CNTNAP2: variants seen among roughly 807,000 people sequenced by gnomAD.
CNTNAP2 encodes the protein contactin associated protein 2, also known as contactin-associated protein-like 2.
CNTNAP2 carries 98 observed loss-of-function variants against 155.2 expected under a neutral mutation model. The observed-to-expected ratio is 0.63, with a 90% confidence interval of 0.54 to 0.75. CNTNAP2 has a LOEUF of 0.75. Ranked by LOEUF, CNTNAP2 falls within the 30% of genes least tolerant of loss-of-function variation. The pLI, the probability that CNTNAP2 is intolerant of heterozygous loss-of-function variation, is 0.00. For synonymous variants in CNTNAP2, 651 were observed against 631.2 expected (o/e 1.03, Z -0.47); for missense variants, 1,727 against 1,688.1 (o/e 1.02, Z -0.40).
intron 1 of CNTNAP2, among the ~76,000 whole-genome samples, chr7:146,453,297 C>A (rs1199023405): frequency 6.6e-6 from 1 of 152,226 alleles, no homozygotes; most frequent in Non-Finnish European, 1.5e-5. Context: ...CTTATTCCCA[C>A]AATCCAGAGA....
At chr7:147,854,489 TG>T (rs971372132) in intron 13 of CNTNAP2, among the ~76,000 whole-genome samples, 2 of 152,010 alleles carry the variant, frequency 1.3e-5, no homozygotes, top group African/African-American at 4.8e-5. Context: ...TTTGAAAGAG[TG>T]GCTAGGATAC....
chr7:148,002,983 A>G (rs570546016), intron 15 of CNTNAP2, among the ~76,000 whole-genome samples: 1 of 152,342 alleles, frequency 6.6e-6, no homozygotes, highest in Non-Finnish European at 1.5e-5. Context: ...CCTGGGGAAG[A>G]AAGATGAAAT....
intron 13 of CNTNAP2, among the ~76,000 whole-genome samples, chr7:147,734,232 T>C (rs577839055): frequency 6.2e-4 from 94 of 152,352 alleles, no homozygotes; most frequent in African/African-American, 1.9e-3. Flanking sequence ...TGAAGGGCTA[T>C]TGAATTTTGT....
At chr7:147,690,202 G>T (rs746829569) in intron 13 of CNTNAP2, among the ~76,000 whole-genome samples, 2 of 152,094 alleles carry the variant, frequency 1.3e-5, no homozygotes, top group Non-Finnish European at 2.9e-5. Context: ...TGCTCGGCTG[G>T]CAGTTTCATT....
At chr7:147,051,175 CATAT>C (rs1473914687) in intron 4 of CNTNAP2, among the ~76,000 whole-genome samples, 1 of 126,038 alleles carries the variant, frequency 7.9e-6, no homozygotes, top group African/African-American at 4.1e-5. Context: ...ATTATATATA[CATAT>C]ATATGTATAT....
chr7:147,129,203 T>G (rs1801300289), intron 7 of CNTNAP2, among the ~76,000 whole-genome samples: 1 of 152,226 alleles, frequency 6.6e-6, no homozygotes, highest in African/African-American at 2.4e-5. Flanking sequence ...GCTTATGGTT[T>G]AATTTAATAT....
chr7:146,837,239 G>C (rs1440104793), intron 2 of CNTNAP2, among the ~76,000 whole-genome samples: 1 of 151,964 alleles, frequency 6.6e-6, no homozygotes, highest in African/African-American at 2.4e-5. Context: ...TGGAATAACT[G>C]TTTATTTTTT....
chr7:148,228,352 A>G (rs548907006), intron 19 of CNTNAP2, among the ~76,000 whole-genome samples: 1 of 152,300 alleles, frequency 6.6e-6, no homozygotes, highest in East Asian at 1.9e-4. Flanking sequence ...GTTGGGACGA[A>G]GCAAGGAGGA....
At chr7:146,300,487 T>C (rs1269842423) in intron 1 of CNTNAP2, among the ~76,000 whole-genome samples, 1 of 152,038 alleles carries the variant, frequency 6.6e-6, no homozygotes, top group East Asian at 1.9e-4. Flanking sequence ...TACATTAAAA[T>C]TGAAGAACAG....
intron 1 of CNTNAP2, among the ~76,000 whole-genome samples, chr7:146,380,947 C>T (rs1453475550): frequency 8.0e-5 from 12 of 150,368 alleles, no homozygotes; most frequent in East Asian, 5.9e-4. Flanking sequence ...TACAGGCGCC[C>T]GCCACCTCGC....
At chr7:148,251,816 C>A (rs1327070576) in intron 20 of CNTNAP2, among the ~76,000 whole-genome samples, 2 of 152,146 alleles carry the variant, frequency 1.3e-5, no homozygotes, top group African/African-American at 4.8e-5. Context: ...CATGTTCTTC[C>A]TAAATGCCAA....
intron 4 of CNTNAP2, chr7:147,083,095 G>T (rs1177323099): frequency 6.6e-6 from 1 of 152,128 alleles, no homozygotes; most frequent in African/African-American, 2.4e-5. Flanking sequence ...GCAAGGAAAT[G>T]GGATTGCCTC....
intron 10 of CNTNAP2, among the ~76,000 whole-genome samples, chr7:147,438,854 C>A (rs73475141): frequency 1.3e-5 from 2 of 151,608 alleles, no homozygotes; most frequent in African/African-American, 2.4e-5. Context: ...ATTTTTTTCC[C>A]TAGATTTTTC....
At chr7:147,607,496 G>A (rs371545783) in intron 12 of CNTNAP2, among the ~76,000 whole-genome samples, 10 of 151,524 alleles carry the variant, frequency 6.6e-5, no homozygotes, top group African/African-American at 2.4e-4. Flanking sequence ...TTTTTCCTGG[G>A]TTGGAAGCAA....
At chr7:148,164,834 G>C in intron 17 of CNTNAP2, among the ~76,000 whole-genome samples, 1 of 149,706 alleles carries the variant, frequency 6.7e-6, no homozygotes, top group Non-Finnish European at 1.5e-5. Context: ...TTTTAGTACA[G>C]ACAGGGTTTC....
At chr7:148,311,567 G>A (rs1797596381) in intron 21 of CNTNAP2, among the ~76,000 whole-genome samples, 1 of 152,188 alleles carries the variant, frequency 6.6e-6, no homozygotes. Flanking sequence ...GTTAAGAGTT[G>A]CCAGTCCTGG....
chr7:147,305,481 T>C (rs1442085043), intron 9 of CNTNAP2, among the ~76,000 whole-genome samples: 1 of 152,182 alleles, frequency 6.6e-6, no homozygotes, highest in East Asian at 1.9e-4. Flanking sequence ...CATCAAAGAA[T>C]ACGAACTTGC....
At chr7:146,972,150 T>A (rs972906810) in intron 3 of CNTNAP2, among the ~76,000 whole-genome samples, 2 of 152,174 alleles carry the variant, frequency 1.3e-5, no homozygotes, top group Non-Finnish European at 2.9e-5. Flanking sequence ...TGAAGATGAT[T>A]AGATACTAAA....
At chr7:148,041,677 A>G (rs975744850) in intron 15 of CNTNAP2, among the ~76,000 whole-genome samples, 11 of 152,238 alleles carry the variant, frequency 7.2e-5, no homozygotes, top group African/African-American at 2.7e-4. Flanking sequence ...GAGAGGTCTC[A>G]GAATGCAACT....
Sources: gnomAD v4.1 joint callset for allele counts (sites outside exome capture counted in the v4.1 genomes callset) on GRCh38, gnomAD v4.1.1 for gene constraint, MANE v1.5 for transcripts, NCBI Gene and HGNC (gene_info 2026-07-23, HGNC 2026-07-21) for gene names.